Variants in FHIP2A observed in about 807,000 individuals in gnomAD.
FHIP2A encodes FHF complex subunit HOOK interacting protein 2A, also known as family with sequence similarity 160 member B1.
FHIP2A carries 46 observed loss-of-function variants against 93.5 expected under a neutral mutation model. The observed-to-expected ratio is 0.49, with a 90% CI of 0.39 to 0.63. The LOEUF is 0.63. Ranked by LOEUF, FHIP2A falls within the 20% of genes least tolerant of loss-of-function variation. The pLI is 0.00. For missense variants in FHIP2A, 769 were observed against 909.7 expected (o/e 0.85, Z 1.99); for synonymous variants, 332 against 326.5 (o/e 1.02, Z -0.18).
intron 16 of FHIP2A, among the ~76,000 whole-genome samples, chr10:114,879,936 G>A (rs1002996934): frequency 6.6e-6 from 1 of 152,190 alleles, no homozygotes; most frequent in African/African-American, 2.4e-5. Flanking sequence ...TGGGACTGCA[G>A]GTGCACACCA....
chr10:114,831,329 A>G (rs1050617142), intron 2 of FHIP2A, among the ~76,000 whole-genome samples: 1 of 152,212 alleles, frequency 6.6e-6, no homozygotes, highest in African/African-American at 2.4e-5. Flanking sequence ...TTTAGGTTAG[A>G]GAAAACCTCA....
chr10:114,860,048 G>A (rs955059061), intron 14 of FHIP2A, among the ~76,000 whole-genome samples: 2 of 152,136 alleles, frequency 1.3e-5, no homozygotes, highest in African/African-American at 4.8e-5. Context: ...ATTTAAAAAG[G>A]TGTAATATCT....
In FHIP2A at chr10:114,861,786, A is replaced by G. The variant is rs2083801513; in HGVS notation, c.*246A>G. 1.8e-6 allele frequency: 2 copies of G among 1,135,774 alleles called. No homozygotes were observed. Among genetic ancestry groups the G allele is most frequent in the Non-Finnish European group, 2.2e-6 (2 of 925,206 alleles). The allele number at this position is 1,135,774 out of a possible 1,614,324, so 70.4% of individuals were successfully genotyped here. Reference sequence around the variant, plus strand: ...TGCACATTGTTGAATCCAGGATACAATCAAAGGAACTTCAGGAAATAAGCA... The same window carrying G: ...TGCACATTGTTGAATCCAGGATACAGTCAAAGGAACTTCAGGAAATAAGCA... On this transcript the variant is annotated 3_prime_UTR_variant, in exon 17 of 17. Transcript: ENST00000369248.
intron 16 of FHIP2A, among the ~76,000 whole-genome samples, chr10:114,875,837 GAGAA>G (rs139009293): frequency 0.038 from 4,442 of 115,718 alleles, 184 homozygotes; most frequent in Non-Finnish European, 0.046. Flanking sequence ...GAAGGTAAGA[GAGAA>G]AGAAAGAAAG....
At chr10:114,875,007 G>C (rs529609897) in intron 16 of FHIP2A, among the ~76,000 whole-genome samples, 1 of 152,264 alleles carries the variant, frequency 6.6e-6, no homozygotes, top group African/African-American at 2.4e-5. Flanking sequence ...CTCTGTAAAG[G>C]GCAGCGCTCG....
At chr10:114,896,032 A>G (rs1473909012) in intron 16 of FHIP2A, among the ~76,000 whole-genome samples, 1 of 152,116 alleles carries the variant, frequency 6.6e-6, no homozygotes, top group Non-Finnish European at 1.5e-5. Context: ...ATTTGGGGTG[A>G]CTTGTGCCAC....
chr10:114,861,217 C>G lies in FHIP2A; in HGVS notation c.2089-14C>G. ...TGATTTCAGGAACTGAAGTGCCTTG[C>G]CTCTGTGATGCAGGTTGTTGGAGAC... is the stretch of plus-strand genomic sequence containing the variant. On this transcript the variant is annotated splice_polypyrimidine_tract_variant and intron_variant, in intron 15 of 16. Coordinates refer to ENST00000369248, the MANE Select transcript of FHIP2A (RefSeq NM_020940.4). The G allele has an allele frequency of 1.9e-6, 3 of 1,613,642 alleles. No individual in the cohort carries two copies. The highest frequency in any genetic ancestry group is 1.3e-5 in the African/African-American group (1 of 74,992).
rs1021668008 is a variant in FHIP2A, at chr10:114,828,197, G to T, written c.46-2655G>T. Reference sequence around the variant, plus strand: ...ACTGTTTAACTCTCTAGTTAAATAGGTTTCTTATTTAAATCTAACTCCTGG... The same window carrying T: ...ACTGTTTAACTCTCTAGTTAAATAGTTTTCTTATTTAAATCTAACTCCTGG... On this transcript the variant is annotated intron_variant, in intron 1 of 16. Transcript: ENST00000369248. Among the ~76,000 whole-genome samples, 18 of 152,184 alleles carry T rather than the reference G, an allele frequency of 1.2e-4. No homozygotes were observed. The South Asian group carries it at 1.2e-3, about 11-fold the overall frequency.
downstream of FHIP2A, among the ~76,000 whole-genome samples, chr10:114,868,195 G>A (rs763780848): frequency 3.3e-5 from 5 of 151,962 alleles, no homozygotes; most frequent in Non-Finnish European, 7.4e-5. Flanking sequence ...CCCAACCCCC[G>A]GGCCACAGAC....
intron 5 of FHIP2A, among the ~76,000 whole-genome samples, chr10:114,842,631 ACTTTTTTC>A (rs2083675543): frequency 6.6e-6 from 1 of 152,136 alleles, no homozygotes; most frequent in Non-Finnish European, 1.5e-5. Flanking sequence ...ACCTCCTGAA[ACTTTTTTC>A]CTCACTAACA....
chr10:114,861,437 T>C lies in FHIP2A; in HGVS notation c.2195T>C (p.Ile732Thr), dbSNP rs2083799105. ...LLGLEPEGPI[I>T]DHITLLEGVI... ...ATTGTCTGTTTTTTCCTTACCAGTA[T>C]TGACCACATCACACTGCTAGAGGGT... The change falls in exon 17 of 17, where the codon ATT becomes ACT. Residue 732 changes from isoleucine (I) to threonine (T), a missense_variant and splice_region_variant. Transcript: ENST00000369248. 1 of 1,614,028 alleles carries C rather than the reference T, an allele frequency of 6.2e-7. No individual in the cohort carries two copies. The highest frequency in any genetic ancestry group is 8.5e-7 in the Non-Finnish European group (1 of 1,180,002).
At position 114,822,115 on chromosome 10, in the gene FHIP2A, G is replaced by C; in HGVS notation, c.37G>C (p.Val13Leu). ...GTTCACCTCCATCCTGCAGCACGCC[G>C]TGGAGGCGGTAAGGCCGCGGGCTGC... ...SKFTSILQHA[V>L]EALAPSLPLQ... Residue 13 changes from valine (V) to leucine (L), a missense_variant, in exon 1 of 17, where the codon GTG becomes CTG. Coordinates refer to ENST00000369248, the MANE Select transcript of FHIP2A (RefSeq NM_020940.4). 1 of 1,337,202 alleles carries C rather than the reference G, an allele frequency of 7.5e-7. No homozygotes were observed. The highest frequency in any genetic ancestry group is 9.8e-7 in the Non-Finnish European group (1 of 1,022,004). 82.8% of individuals were successfully genotyped at this position (1,337,202 alleles called of 1,614,324 possible).
chr10:114,877,878 AT>A (rs11319655), intron 16 of FHIP2A, among the ~76,000 whole-genome samples: 74,186 of 151,892 alleles, frequency 0.49, 18,290 homozygotes, highest in Admixed American at 0.52. Flanking sequence ...TGTGTGAATT[AT>A]TTTTATCAGA....
In FHIP2A at chr10:114,836,191, G is replaced by T; in HGVS notation, c.467G>T (p.Cys156Phe). The change falls in exon 5 of 17, where the codon TGC (cysteine) becomes TTC (phenylalanine). Residue 156 changes from cysteine to phenylalanine, a missense_variant. Transcript: ENST00000369248. ...GAAAATGAAGAGATTCAGTTTCTTT[G>T]CATTGTGTGTGCGAAGCTGAAACAG... ...PTENEEIQFLCIVCAKLKQDP... is the reference protein window; with the variant it reads ...PTENEEIQFLFIVCAKLKQDP... 1 of 1,603,950 alleles carries T rather than the reference G, an allele frequency of 6.2e-7. No individual in the cohort carries two copies. The highest frequency in any genetic ancestry group is 1.1e-5 in the South Asian group (1 of 89,724).
rs538989132 is a variant in FHIP2A at position 114,890,429 on chromosome 10, A to G, written c.2193-9061A>G. ...AACCCAGTGATTTATGATTATATAT[A>G]TGTGTGTGTGTGTGTATACACACAC... On this transcript the variant is annotated intron_variant, in intron 16 of 16. Transcript: ENST00000369250. Among the ~76,000 whole-genome samples the G allele has an allele frequency of 4.2e-4, 63 of 149,650 alleles. 1 individual carries two copies. The highest frequency in any genetic ancestry group is 3.5e-3 in the Middle Eastern group (1 of 282).
chr10:114,877,308 C>A (rs982370645), intron 16 of FHIP2A, among the ~76,000 whole-genome samples: 4 of 152,110 alleles, frequency 2.6e-5, no homozygotes, highest in Non-Finnish European at 4.4e-5. Context: ...AGGTCAAGCA[C>A]GAGTTTCCAA....
At chr10:114,895,618 G>T (rs1020198588) in intron 16 of FHIP2A, among the ~76,000 whole-genome samples, 2 of 152,084 alleles carry the variant, frequency 1.3e-5, no homozygotes, top group African/African-American at 4.8e-5. Flanking sequence ...TGTCAAGAGG[G>T]GACCAGTATC....
In FHIP2A at chr10:114,862,315, A is replaced by G; in HGVS notation, c.*775A>G. 1 of 987,410 alleles carries G rather than the reference A, an allele frequency of 1.0e-6. No homozygotes were observed. The highest frequency in any genetic ancestry group is 1.2e-6 in the Non-Finnish European group (1 of 830,044). The allele number at this position is 987,410 out of a possible 1,614,324, so 61.2% of individuals were successfully genotyped here. The stretch of plus-strand genomic sequence containing the variant: ...CATTGGTAGTGTTTGCTAAAATTGT[A>G]TTTTTTTAAGCTAAGTAACATGTAC... On this transcript the variant is annotated 3_prime_UTR_variant, in exon 17 of 17. Transcript: ENST00000369248.
Position 114,861,732 on chromosome 10 carries a change from C to G in FHIP2A, c.*192C>G. 1 of 1,359,496 alleles carries G rather than the reference C, an allele frequency of 7.4e-7. No individual in the cohort carries two copies. The highest frequency in any genetic ancestry group is 3.4e-5 in the Admixed American group (1 of 29,848). 84.2% of individuals were successfully genotyped at this position (1,359,496 alleles called of 1,614,324 possible). ...TGTTGTATAATGTTGTTTTCATTGG[C>G]TTTATCATAATGGTTCTATATATAC... On this transcript the variant is annotated 3_prime_UTR_variant, in exon 17 of 17. Transcript: ENST00000369248.
Sources: allele counts gnomAD v4.1 joint callset (sites outside exome capture counted in the v4.1 genomes callset), GRCh38; gene constraint gnomAD v4.1.1; transcripts MANE v1.5; gene names NCBI Gene and HGNC (gene_info 2026-07-23, HGNC 2026-07-21).